ANK3: variants seen among roughly 807,000 people sequenced by gnomAD.
The protein encoded by ANK3 is ankyrin 3.
Under a neutral mutation model 370.9 loss-of-function variants are expected in ANK3, and 57 were observed. The ratio of observed to expected loss-of-function variants is 0.15; its 90% CI spans 0.12 to 0.19. The LOEUF (loss-of-function observed/expected upper bound fraction) is 0.19, where lower values mean the gene tolerates loss of function less well. Ranked by LOEUF, ANK3 falls within the 10% of genes least tolerant of loss-of-function variation. ANK3 has a pLI of 1.00. For synonymous variants in ANK3, 1,929 were observed against 1,946.3 expected (o/e 0.99, Z 0.23); for missense variants, 4,439 against 5,302.1 (o/e 0.84, Z 5.06).
intron 1 of ANK3, among the ~76,000 whole-genome samples, chr10:60,386,727 A>T (rs1320481707): frequency 6.6e-6 from 1 of 152,216 alleles, no homozygotes; most frequent in East Asian, 1.9e-4. Flanking sequence ...CATCACACCT[A>T]ATCAAGAAAG....
chr10:60,551,527 T>C (rs1184867221), intron 2 of ANK3, among the ~76,000 whole-genome samples: 1 of 152,220 alleles, frequency 6.6e-6, no homozygotes, highest in Non-Finnish European at 1.5e-5. Context: ...ATTTTAGTGA[T>C]GAAAATAAAT....
At chr10:60,611,219 C>T (rs549783299) in intron 2 of ANK3, among the ~76,000 whole-genome samples, 1 of 152,238 alleles carries the variant, frequency 6.6e-6, no homozygotes, top group Admixed American at 6.5e-5. Flanking sequence ...TGTTTAGGGA[C>T]CGATACTCCA....
At chr10:60,086,417 G>T in intron 30 of ANK3, 1 of 337,908 alleles carries the variant, frequency 3.0e-6, no homozygotes, top group Non-Finnish European at 5.3e-6. Flanking sequence ...TTCTACTAAT[G>T]CTAACCTTAA....
chr10:60,519,974 A>C (rs146238746), intron 2 of ANK3, among the ~76,000 whole-genome samples: 2 of 152,220 alleles, frequency 1.3e-5, no homozygotes, highest in African/African-American at 4.8e-5. Context: ...ATGAGTTTCA[A>C]TTTTAACACA....
intron 8 of ANK3, among the ~76,000 whole-genome samples, chr10:60,215,326 ATAGTTTCT>A: frequency 6.6e-6 from 1 of 152,064 alleles, no homozygotes; most frequent in South Asian, 2.1e-4. Context: ...CACTCTAATG[ATAGTTTCT>A]TTTGCTGTGC....
At chr10:60,490,414 C>T (rs185190060) in intron 2 of ANK3, among the ~76,000 whole-genome samples, 96 of 152,294 alleles carry the variant, frequency 6.3e-4, no homozygotes, top group African/African-American at 2.2e-3. Flanking sequence ...ACCTCCTGCA[C>T]CTCCTCCATC....
chr10:60,619,653 G>A (rs992789090), intron 1 of ANK3, among the ~76,000 whole-genome samples: 2 of 152,100 alleles, frequency 1.3e-5, no homozygotes, highest in African/African-American at 4.8e-5. Context: ...TAGAGCCTCA[G>A]GGGAGATGTT....
chr10:60,650,439 A>C (rs923519797), intron 1 of ANK3, among the ~76,000 whole-genome samples: 1 of 152,144 alleles, frequency 6.6e-6, no homozygotes. Flanking sequence ...TGCTAAAGAA[A>C]ACTAAGGTGA....
At chr10:60,278,937 G>C (rs2098126528) in intron 3 of ANK3, 65 bp from the exon 4 acceptor site, 1 of 1,582,758 alleles carries the variant, frequency 6.3e-7, no homozygotes, top group Non-Finnish European at 8.7e-7. Context: ...TCTCCCCAAA[G>C]AGAACAAATT....
chr10:60,328,573 C>A (rs1031093558), intron 1 of ANK3, among the ~76,000 whole-genome samples: 1 of 152,126 alleles, frequency 6.6e-6, no homozygotes, highest in African/African-American at 2.4e-5. Flanking sequence ...CATACACCCT[C>A]CCAAGACTAA....
intron 1 of ANK3, among the ~76,000 whole-genome samples, chr10:60,344,100 C>T (rs1199390081): frequency 6.6e-6 from 1 of 152,238 alleles, no homozygotes; most frequent in Non-Finnish European, 1.5e-5. Context: ...GCAGGCCTTG[C>T]CTGCCCGCCA....
chr10:60,084,927 A>T, intron 31 of ANK3, 97 bp from the exon 32 acceptor site: 2 of 948,604 alleles, frequency 2.1e-6, no homozygotes, highest in Non-Finnish European at 3.1e-6. Flanking sequence ...ATGTAAAGGA[A>T]CTAACCCAAA....
intron 1 of ANK3, among the ~76,000 whole-genome samples, chr10:60,731,516 A>C (rs1364983582): frequency 2.0e-5 from 3 of 152,232 alleles, no homozygotes; most frequent in African/African-American, 7.2e-5. Flanking sequence ...AAGCTCACTT[A>C]TTTATCCTCC....
At chr10:60,192,953 T>G (rs969628204) in intron 16 of ANK3, among the ~76,000 whole-genome samples, 6 of 150,886 alleles carry the variant, frequency 4.0e-5, no homozygotes, top group Admixed American at 3.9e-4. Flanking sequence ...ATTTAAACCA[T>G]TGTAGCTAGG....
At chr10:60,220,022 G>A (rs1314985639) in intron 8 of ANK3, among the ~76,000 whole-genome samples, 2 of 151,796 alleles carry the variant, frequency 1.3e-5, no homozygotes, top group African/African-American at 4.9e-5. Context: ...CCTTTCAAGT[G>A]AAAACAGCAT....
intron 8 of ANK3, among the ~76,000 whole-genome samples, chr10:60,227,992 C>A (rs936744940): frequency 1.3e-5 from 2 of 152,110 alleles, no homozygotes; most frequent in Non-Finnish European, 2.9e-5. Context: ...TTGGAACTTA[C>A]AGCAGCTTGG....
chr10:60,694,124 C>T (rs1341695082), intron 1 of ANK3, among the ~76,000 whole-genome samples: 5 of 151,814 alleles, frequency 3.3e-5, no homozygotes, highest in African/African-American at 4.8e-5. Context: ...GGAGCCGATG[C>T]GATCAACTGG....
intron 2 of ANK3, among the ~76,000 whole-genome samples, chr10:60,590,468 A>G (rs1457332771): frequency 6.6e-6 from 1 of 152,248 alleles, no homozygotes; most frequent in Admixed American, 6.5e-5. Context: ...GCCAAGATAA[A>G]TGGAAATGTC....
chr10:60,158,685 C>CTTTTTTTTTCTT (rs141741941), intron 23 of ANK3, among the ~76,000 whole-genome samples: 2 of 132,710 alleles, frequency 1.5e-5, no homozygotes, highest in Non-Finnish European at 3.1e-5. Context: ...CACTTTTTTT[C>CTTTTTTTTTCTT]TTTTTTTTGA....
Sources: allele counts gnomAD v4.1 joint callset (sites outside exome capture counted in the v4.1 genomes callset), GRCh38; gene constraint gnomAD v4.1.1; transcripts MANE v1.5; gene names NCBI Gene and HGNC (gene_info 2026-07-23, HGNC 2026-07-21).